The following ST13 variants were observed in gnomAD, a reference collection of about 807,000 sequenced individuals.
The protein encoded by ST13 is ST13 Hsp70 interacting protein, also known as hsc70-interacting protein.
Under a neutral mutation model 56.7 loss-of-function variants are expected in ST13, and 23 were observed. The ratio of observed to expected loss-of-function variants is 0.41; its 90% CI spans 0.29 to 0.57. The LOEUF (loss-of-function observed/expected upper bound fraction) is 0.57. Among genes scored for constraint, ST13 ranks in the 20% least tolerant of loss-of-function variants. ST13 has a pLI of 0.36. For missense variants in ST13, 369 were observed against 459.9 expected, an observed-to-expected ratio of 0.80 and a Z score of 1.81; for synonymous variants, 132 against 142.4, an observed-to-expected ratio of 0.93 and a Z score of 0.52.
intron 5 of ST13, among the ~76,000 whole-genome samples, chr22:40,838,288 T>A (rs1167350458): frequency 6.6e-6 from 1 of 152,210 alleles, no homozygotes; most frequent in Non-Finnish European, 1.5e-5. Context: ...CAACCCCTGC[T>A]TTAGAATACT....
intron 5 of ST13, among the ~76,000 whole-genome samples, chr22:40,837,867 T>C (rs76433030): frequency 0.03 from 4,643 of 152,236 alleles, 219 homozygotes; most frequent in African/African-American, 0.11. Context: ...AGGCTGATCT[T>C]GGACTCTTGG....
chr22:40,829,241 G>A (rs1469854339), intron 10 of ST13, among the ~76,000 whole-genome samples: 3 of 152,128 alleles, frequency 2.0e-5, no homozygotes, highest in African/African-American at 7.2e-5. Flanking sequence ...ACTGGAGACA[G>A]TTGTTTAAAA....
chr22:40,847,404 C>T (rs2057837609), intron 3 of ST13, among the ~76,000 whole-genome samples: 1 of 151,716 alleles, frequency 6.6e-6, no homozygotes, highest in South Asian at 2.1e-4. Flanking sequence ...CAAAAATTAG[C>T]CGTGCCTGGT....
intron 9 of ST13, among the ~76,000 whole-genome samples, chr22:40,830,007 T>A (rs1481572954): frequency 1.3e-5 from 2 of 152,224 alleles, no homozygotes; most frequent in Non-Finnish European, 2.9e-5. Context: ...TTACCAAGAC[T>A]ACCATGACTT....
intron 8 of ST13, chr22:40,832,278 T>C: frequency 4.1e-6 from 2 of 491,880 alleles, no homozygotes; most frequent in South Asian, 3.2e-5. Context: ...GATTTTCTAT[T>C]TGTTTCCTTG....
intron 7 of ST13, among the ~76,000 whole-genome samples, chr22:40,833,349 C>T (rs917520810): frequency 4.6e-5 from 7 of 151,706 alleles, no homozygotes; most frequent in East Asian, 1.9e-4. Flanking sequence ...GCGGGCAGAA[C>T]GCGAGGTCAG....
chr22:40,851,577 T>C (rs530762916), intron 1 of ST13, among the ~76,000 whole-genome samples: 2 of 152,242 alleles, frequency 1.3e-5, no homozygotes, highest in East Asian at 1.9e-4. Context: ...CCCTATAGTA[T>C]ATGGGCTACC....
rs982164548 is a variant in ST13 at position 40,856,573 on chromosome 22, T to C, written c.-33A>G. On this transcript the variant is annotated 5_prime_UTR_variant, in exon 1 of 12. Transcript: ENST00000216218. ...AGGTGGTGGGCGAAACTGGGGGGGC[T>C]ACGGCCCGGTTCCAGGCCCAGGCGC... 3 of 1,574,998 alleles carry C rather than the reference T, an allele frequency of 1.9e-6. No individual in the cohort carries two copies. Among genetic ancestry groups the C allele is most frequent in the Admixed American group, 1.7e-5 (1 of 59,952 alleles).
intron 5 of ST13, among the ~76,000 whole-genome samples, chr22:40,837,278 TA>T (rs2057782220): frequency 6.6e-6 from 1 of 152,196 alleles, no homozygotes; most frequent in Non-Finnish European, 1.5e-5. Context: ...AAATGTCTAA[TA>T]AACAACTCAG....
chr22:40,844,279 A>G (rs1420515231), intron 4 of ST13, among the ~76,000 whole-genome samples: 1 of 152,184 alleles, frequency 6.6e-6, no homozygotes, highest in East Asian at 1.9e-4. Context: ...GATAAAAACC[A>G]ATCTTTTAAA....
In ST13 at chr22:40,856,626, G is replaced by A. The variant is rs771073558; in HGVS notation, c.-86C>T. 3.7e-5 allele frequency: 39 copies of A among 1,067,022 alleles called. No homozygotes were observed. Among genetic ancestry groups the A allele is most frequent in the Non-Finnish European group, 4.6e-5 (32 of 697,478 alleles). The allele number at this position is 1,067,022 out of a possible 1,614,324, so 66.1% of individuals were successfully genotyped here. Reference sequence around the variant, plus strand: ...GCTCGGCGTGACCGCGCAGAAGGGGGCGGCTGCCGCAAGACAGAACAGACT... The same window carrying A: ...GCTCGGCGTGACCGCGCAGAAGGGGACGGCTGCCGCAAGACAGAACAGACT... On this transcript the variant is annotated 5_prime_UTR_variant, in exon 1 of 12. Transcript: ENST00000216218.
At chr22:40,834,524 C>T (rs1417576991) in intron 7 of ST13, among the ~76,000 whole-genome samples, 1 of 152,158 alleles carries the variant, frequency 6.6e-6, no homozygotes, top group South Asian at 2.1e-4. Flanking sequence ...TATAAACTCA[C>T]AATTTCAAGA....
chr22:40,848,124 T>C (rs992600433), intron 3 of ST13, among the ~76,000 whole-genome samples, 170 bp downstream of exon 3: 23 of 152,234 alleles, frequency 1.5e-4, no homozygotes, highest in Non-Finnish European at 3.2e-4. Flanking sequence ...AATATCTGAA[T>C]TTATTTCATG....
At chr22:40,856,362 G>A in intron 1 of ST13, 69 bp downstream of exon 1, 1 of 1,413,186 alleles carries the variant, frequency 7.1e-7, no homozygotes, top group Non-Finnish European at 1.0e-6. Flanking sequence ...GACCGAGCCA[G>A]GTCCAGCCTG....
intron 1 of ST13, among the ~76,000 whole-genome samples, chr22:40,854,129 A>G (rs2057875938): frequency 6.6e-6 from 1 of 152,188 alleles, no homozygotes; most frequent in Non-Finnish European, 1.5e-5. Flanking sequence ...TGTGAGAAAC[A>G]CATGTTTTCA....
At position 40,847,383 on chromosome 22, in the gene ST13, A is replaced by G. The variant is rs549380895; in HGVS notation, c.244+911T>C. ...ATGGCAAAACCCTGTCTCTACAAAA[A>G]AAAAAAAATACAAAAATTAGCCGTG... is the stretch of plus-strand genomic sequence containing the variant. On this transcript the variant is annotated intron_variant, in intron 3 of 11. Transcript: ENST00000216218. Among the ~76,000 whole-genome samples the G allele has an allele frequency of 3.3e-5, 5 of 151,214 alleles. No homozygotes were observed. In the South Asian group the frequency reaches 1.0e-3, roughly 32 times the overall value.
At position 40,844,849 on chromosome 22, in the gene ST13, T is replaced by G. The variant is rs369026475; in HGVS notation, c.305A>C (p.Glu102Ala). The change falls in exon 4 of 12, where the codon GAA becomes GCA. Residue 102 changes from glutamate to alanine, a missense_variant. By Grantham distance (107) the Glu-to-Ala change is moderately radical. Transcript: ENST00000216218. ...AGTCACCGAACTTACCTCCGCATTTTCATCTCCCATTTCTTGAGGAGCATC... is the reference window on the plus strand; with the variant it reads ...AGTCACCGAACTTACCTCCGCATTTGCATCTCCCATTTCTTGAGGAGCATC... ...DTDAPQEMGD[E>A]NAEITEEMMD... 5 of 1,613,364 alleles carry G rather than the reference T, an allele frequency of 3.1e-6. No individual in the cohort carries two copies. The African/African-American group carries it at 5.3e-5, about 17-fold the overall frequency.
intron 1 of ST13, 128 bp downstream of exon 1, chr22:40,856,303 C>A: frequency 1.3e-6 from 1 of 789,342 alleles, no homozygotes; most frequent in Non-Finnish European, 2.2e-6. Context: ...CTCGAAGTTG[C>A]CTCCCTTTCC....
chr22:40,856,111 C>T (rs529024745), intron 1 of ST13, among the ~76,000 whole-genome samples: 1 of 152,152 alleles, frequency 6.6e-6, no homozygotes. Context: ...AACAACCCCA[C>T]GCAAAATCTA....
Sources: gnomAD v4.1 joint callset for allele counts (sites outside exome capture counted in the v4.1 genomes callset) on GRCh38, gnomAD v4.1.1 for gene constraint, MANE v1.5 for transcripts, NCBI Gene and HGNC (gene_info 2026-07-23, HGNC 2026-07-21) for gene names.